FAM174B: variants seen among roughly 807,000 people sequenced by gnomAD.
The protein encoded by FAM174B is membrane protein FAM174B.
A neutral mutation model predicts 10.9 loss-of-function variants in FAM174B; 12 were observed. The observed-to-expected ratio is 1.10, with a 90% confidence interval of 0.71 to 1.79. The LOEUF (loss-of-function observed/expected upper bound fraction) is 1.79. Among genes scored for constraint, FAM174B ranks in the 40% most tolerant of loss-of-function variants. The pLI is 0.00. For missense variants in FAM174B, 266 were observed against 233.3 expected (o/e 1.14, Z -0.91); for synonymous variants, 132 against 115.8 (o/e 1.14, Z -0.90).
intron 2 of FAM174B, chr15:92,619,797 A>C: frequency 2.7e-6 from 1 of 372,448 alleles, no homozygotes; most frequent in Non-Finnish European, 4.9e-6. Context: ...TCCAGAGAGG[A>C]AATATTGTAA....
At chr15:92,650,930 C>T (rs1387389894) in intron 1 of FAM174B, among the ~76,000 whole-genome samples, 1 of 152,216 alleles carries the variant, frequency 6.6e-6, no homozygotes, top group Non-Finnish European at 1.5e-5. Flanking sequence ...CTCCAGCCAG[C>T]TTTCCCTCCT....
At chr15:92,624,853 C>T (rs2050742933) in intron 2 of FAM174B, among the ~76,000 whole-genome samples, 1 of 152,226 alleles carries the variant, frequency 6.6e-6, no homozygotes. Context: ...GTCACAGCTG[C>T]CGGGCCGCCT....
At chr15:92,629,478 C>T (rs935618204) in intron 2 of FAM174B, among the ~76,000 whole-genome samples, 1 of 152,212 alleles carries the variant, frequency 6.6e-6, no homozygotes, top group African/African-American at 2.4e-5. Context: ...TCCTCAGCTA[C>T]TGACATAAGC....
At chr15:92,635,207 TTC>T (rs1296357039) in intron 1 of FAM174B, among the ~76,000 whole-genome samples, 4 of 151,130 alleles carry the variant, frequency 2.6e-5, no homozygotes, top group African/African-American at 7.3e-5. Context: ...ACCCTATTGA[TTC>T]TGTTTCCCTG....
intron 1 of FAM174B, among the ~76,000 whole-genome samples, chr15:92,644,752 G>A (rs985693623): frequency 1.3e-5 from 2 of 152,180 alleles, no homozygotes; most frequent in Admixed American, 1.3e-4. Context: ...AGTGACAAGT[G>A]GTGGACAATA....
At chr15:92,633,102 G>A (rs1294689320) in intron 1 of FAM174B, among the ~76,000 whole-genome samples, 1 of 152,028 alleles carries the variant, frequency 6.6e-6, no homozygotes, top group Non-Finnish European at 1.5e-5. Flanking sequence ...TACTGTCTAT[G>A]AGAAACCAGC....
At chr15:92,627,864 A>T (rs1159817726) in intron 2 of FAM174B, among the ~76,000 whole-genome samples, 38 of 152,348 alleles carry the variant, frequency 2.5e-4, no homozygotes, top group Admixed American at 2.2e-3. Context: ...TTTGTATTGA[A>T]TGTGAGACAG....
In FAM174B at chr15:92,619,141, A is replaced by G; in HGVS notation, c.*315T>C. ...ACAATTGTCTTAAAAAAACTTCTTT[A>G]AAATCAACATGTTTCTACCCTTTGC... On this transcript the variant is annotated 3_prime_UTR_variant, in exon 3 of 3. Transcript: ENST00000327355. 1 of 682,416 alleles carries G rather than the reference A, an allele frequency of 1.5e-6. No individual in the cohort carries two copies. Among genetic ancestry groups the G allele is most frequent in the East Asian group, 2.7e-5 (1 of 36,974 alleles). 42.3% of individuals were successfully genotyped at this position (682,416 alleles called of 1,614,324 possible).
chr15:92,655,620 G>A lies in FAM174B; in HGVS notation c.40C>T (p.Leu14=), dbSNP rs555715845. 2 of 1,266,178 alleles carry A rather than the reference G, an allele frequency of 1.6e-6. No individual in the cohort carries two copies. Among genetic ancestry groups the A allele is most frequent in the Admixed American group, 4.2e-5 (1 of 24,084 alleles). The allele number at this position is 1,266,178 out of a possible 1,614,324, so 78.4% of individuals were successfully genotyped here. Residue 14 remains leucine, a synonymous_variant, in exon 1 of 3, where the codon CTG becomes TTG. Transcript: ENST00000327355. Reference sequence around the variant, plus strand: ...GGAGCGGCCAGGAGCGCGAGCAGCAGCAGCGGCAGGAGCGGGGCGGGCAGC... The same window carrying A: ...GGAGCGGCCAGGAGCGCGAGCAGCAACAGCGGCAGGAGCGGGGCGGGCAGC... ...VPLPAPLLPL[L]LLALLAAPAA...
In FAM174B at chr15:92,617,715, AC is replaced by A; in HGVS notation, c.*1740del. 1.5e-6 allele frequency: 1 copy of A among 682,174 alleles called. No individual in the cohort carries two copies. The highest frequency in any genetic ancestry group is 2.2e-5 in the Admixed American group (1 of 46,450). 42.3% of individuals were successfully genotyped at this position (682,174 alleles called of 1,614,324 possible). On this transcript the variant is annotated 3_prime_UTR_variant, in exon 3 of 3. Coordinates refer to ENST00000327355, the MANE Select transcript of FAM174B (RefSeq NM_207446.3). ...CGAGGTGGCCAGGCTCCCGTGAGTC[AC>A]CACTCAGGCCTGAGTACACCGTGGA... is the stretch of plus-strand genomic sequence containing the variant.
At chr15:92,626,167 T>A (rs182341969) in intron 2 of FAM174B, among the ~76,000 whole-genome samples, 1 of 91,876 alleles carries the variant, frequency 1.1e-5, no homozygotes, top group Non-Finnish European at 2.1e-5. Context: ...GGCGCGATCT[T>A]GGCTCACTGC....
chr15:92,651,458 T>C (rs893379), intron 1 of FAM174B, among the ~76,000 whole-genome samples: 117,235 of 152,236 alleles, frequency 0.77, 45,785 homozygotes, highest in East Asian at 0.97. Context: ...TAAAAAAATA[T>C]GATAATCACC....
Position 92,655,591 on chromosome 15 carries a change from GGCGGGAGCGGCCAGGAGCGCGAGCA to G in FAM174B, c.44_68del (p.Leu15ProfsTer56), listed in dbSNP as rs1596305243. 23 of 1,303,936 alleles carry G rather than the reference GGCGGGAGCGGCCAGGAGCGCGAGCA, an allele frequency of 1.8e-5. No individual in the cohort carries two copies. In the East Asian group the frequency reaches 5.8e-4, roughly 33 times the overall value. 80.8% of individuals were successfully genotyped at this position (1,303,936 alleles called of 1,614,324 possible). On this transcript the variant is annotated frameshift_variant, in exon 1 of 3. Transcript: ENST00000327355. LOFTEE classifies it high-confidence loss of function. The stretch of plus-strand genomic sequence containing the variant: ...CGGACTCGGCTCTGCTGGCGCGGGC[GGCGGGAGCGGCCAGGAGCGCGAGCA>G]GCAGCAGCGGCAGGAGCGGGGCGGG...
At chr15:92,654,721 C>A (rs138754210) in intron 1 of FAM174B, among the ~76,000 whole-genome samples, 128 of 152,110 alleles carry the variant, frequency 8.4e-4, no homozygotes, top group African/African-American at 2.7e-3. Flanking sequence ...GTGCAAAGCA[C>A]CCCTCCAGCG....
intron 2 of FAM174B, among the ~76,000 whole-genome samples, chr15:92,620,539 G>C (rs1265827451): frequency 6.6e-6 from 1 of 151,832 alleles, no homozygotes; most frequent in Admixed American, 6.6e-5. Flanking sequence ...CTGTGGCCAG[G>C]CTTGGTGGCT....
At chr15:92,645,661 A>G (rs2050921720) in intron 1 of FAM174B, 1 of 152,324 alleles carries the variant, frequency 6.6e-6, no homozygotes, top group South Asian at 2.1e-4. Context: ...GGTTTAAAGC[A>G]GAGAAGGTAG....
At position 92,655,426 on chromosome 15, in the gene FAM174B, C is replaced by G; in HGVS notation, c.234G>C (p.Val78=). 8 of 1,589,708 alleles carry G rather than the reference C, an allele frequency of 5.0e-6. No individual in the cohort carries two copies. Among genetic ancestry groups the G allele is most frequent in the Non-Finnish European group, 6.8e-6 (8 of 1,172,088 alleles). The change falls in exon 1 of 3, where the codon GTG becomes GTC. Residue 78 remains valine (V), a synonymous_variant. Coordinates refer to ENST00000327355, the MANE Select transcript of FAM174B (RefSeq NM_207446.3). ...CGCGGAGGAGGATGGAAATGCGGGT[C>G]ACCAAGGCGTCGCCACTGCTGTTGG... The part of the protein sequence containing the change: ...SSSNSSGDAL[V]TRISILLRDL...
intron 1 of FAM174B, among the ~76,000 whole-genome samples, chr15:92,647,834 G>A (rs559756692): frequency 1.2e-4 from 19 of 152,090 alleles, no homozygotes; most frequent in Non-Finnish European, 1.8e-4. Context: ...GGTGGATCTA[G>A]GAGAGATTAA....
intron 2 of FAM174B, among the ~76,000 whole-genome samples, chr15:92,629,624 CT>C (rs531175251): frequency 6.8e-4 from 103 of 152,284 alleles, no homozygotes; most frequent in Admixed American, 3.0e-3. Context: ...ATAAAGGTGA[CT>C]TTGTGTTCTC....
Sources: allele counts gnomAD v4.1 joint callset (sites outside exome capture counted in the v4.1 genomes callset), GRCh38; gene constraint gnomAD v4.1.1; transcripts MANE v1.5; gene names NCBI Gene and HGNC (gene_info 2026-07-23, HGNC 2026-07-21).